The following PLEKHA6 variants were observed in gnomAD, a reference collection of about 807,000 sequenced individuals.
PLEKHA6 encodes pleckstrin homology domain-containing family A member 6.
PLEKHA6 carries 60 observed loss-of-function variants against 116.7 expected under a neutral mutation model. The ratio of observed to expected loss-of-function variants is 0.51; its 90% confidence interval spans 0.42 to 0.64. PLEKHA6 has a LOEUF of 0.64. Ranked by LOEUF, PLEKHA6 falls within the 30% of genes least tolerant of loss-of-function variation. PLEKHA6 has a pLI of 0.00. For synonymous variants in PLEKHA6, 489 were observed against 556.1 expected, an observed-to-expected ratio of 0.88 and a Z score of 1.70; for missense variants, 1,338 against 1,422.7, an observed-to-expected ratio of 0.94 and a Z score of 0.96.
chr1:204,245,804 G>A lies in PLEKHA6; in HGVS notation c.1921-78C>T, dbSNP rs150373298. 4.2e-3 allele frequency: 4,130 copies of A among 989,488 alleles called. 24 individuals are homozygous for A. Among genetic ancestry groups the A allele is most frequent in the South Asian group, 0.016 (1,180 of 73,328 alleles). 61.3% of individuals were successfully genotyped at this position (989,488 alleles called of 1,614,324 possible). A position where few individuals can be genotyped will look rare whatever the true frequency, so the allele number is the denominator to read the frequency against. ...CCTTTCTCTCAGCCCAGACCCCTTG[G>A]AACCCACATCCCTTTGGGCCAGCAG... On this transcript the variant is annotated intron_variant, in intron 13 of 22. Transcript: ENST00000272203.
At chr1:204,300,294 A>G (rs1305118837) in intron 1 of PLEKHA6, among the ~76,000 whole-genome samples, 1 of 152,192 alleles carries the variant, frequency 6.6e-6, no homozygotes, top group Non-Finnish European at 1.5e-5. Flanking sequence ...CCTTCTCTCA[A>G]GACAGGTCCC....
intron 14 of PLEKHA6, among the ~76,000 whole-genome samples, chr1:204,245,208 G>C (rs539282026): frequency 7.2e-5 from 11 of 152,262 alleles, no homozygotes; most frequent in Admixed American, 6.5e-4. Context: ...GGTGTGCTGG[G>C]TGGGGAAGAC....
At chr1:204,347,553 G>C (rs1322993255) in intron 1 of PLEKHA6, among the ~76,000 whole-genome samples, 2 of 151,344 alleles carry the variant, frequency 1.3e-5, no homozygotes, top group Non-Finnish European at 2.9e-5. Flanking sequence ...TTAAAGTAAA[G>C]ACAGGCATAG....
chr1:204,260,499 T>A (rs1229098672), intron 7 of PLEKHA6, among the ~76,000 whole-genome samples: 1 of 152,188 alleles, frequency 6.6e-6, no homozygotes, highest in Non-Finnish European at 1.5e-5. Context: ...CAGTAAGTAT[T>A]TGTGAAATGA....
intron 1 of PLEKHA6, among the ~76,000 whole-genome samples, chr1:204,284,013 G>A (rs1205330222): frequency 6.6e-6 from 1 of 152,222 alleles, no homozygotes; most frequent in Non-Finnish European, 1.5e-5. Context: ...GGCACGTGCT[G>A]TTCCAGTTGG....
At chr1:204,264,559 G>A (rs377596662) in intron 6 of PLEKHA6, among the ~76,000 whole-genome samples, 1 of 152,150 alleles carries the variant, frequency 6.6e-6, no homozygotes, top group South Asian at 2.1e-4. Context: ...ACCAGCCACA[G>A]CTCCTGCCTC....
At position 204,223,116 on chromosome 1, in the gene PLEKHA6, T is replaced by C. The variant is rs928173600; in HGVS notation, c.*9-337A>G. ...TGTGTATCTCAACAGATGGAAAGCT[T>C]GTCAGCAGACAGGAGGCACAGGGGT... On this transcript the variant is annotated intron_variant, in intron 22 of 22. Coordinates refer to ENST00000272203, the MANE Select transcript of PLEKHA6 (RefSeq NM_014935.5). This position sits in a 1 kb window ranked among gnomAD's most constrained non-coding sequence, Gnocchi z 4.8. Among the ~76,000 whole-genome samples, 10 of 152,110 alleles carry C rather than the reference T, an allele frequency of 6.6e-5. No individual in the cohort carries two copies. Among genetic ancestry groups the C allele is most frequent in the African/African-American group, 2.4e-4 (10 of 41,408 alleles).
intron 1 of PLEKHA6, among the ~76,000 whole-genome samples, chr1:204,332,193 C>T (rs1487386502): frequency 6.6e-6 from 1 of 152,168 alleles, no homozygotes; most frequent in Non-Finnish European, 1.5e-5. Flanking sequence ...CAGAATTCAG[C>T]CAATGTGCTT....
chr1:204,337,310 G>A (rs1021631977), intron 1 of PLEKHA6, among the ~76,000 whole-genome samples: 2 of 152,132 alleles, frequency 1.3e-5, no homozygotes, highest in African/African-American at 4.8e-5. Flanking sequence ...GGAATAAGAA[G>A]GAAGGGAATC....
At chr1:204,253,997 T>C (rs1664935962) in intron 9 of PLEKHA6, among the ~76,000 whole-genome samples, 1 of 152,246 alleles carries the variant, frequency 6.6e-6, no homozygotes, top group Non-Finnish European at 1.5e-5. Context: ...CCCTGCTGTC[T>C]GCACTGAATG....
At chr1:204,306,772 A>G (rs1354766790) in intron 1 of PLEKHA6, among the ~76,000 whole-genome samples, 1 of 152,172 alleles carries the variant, frequency 6.6e-6, no homozygotes, top group Non-Finnish European at 1.5e-5. Flanking sequence ...CAGAAGCCCA[A>G]ACCTCAGCAT....
At chr1:204,321,769 T>G (rs767512131) in intron 1 of PLEKHA6, among the ~76,000 whole-genome samples, 2 of 152,238 alleles carry the variant, frequency 1.3e-5, no homozygotes, top group African/African-American at 2.4e-5. Context: ...CAAATGCATC[T>G]TTCATTCAAC....
chr1:204,244,117 A>G (rs558004801), intron 15 of PLEKHA6, among the ~76,000 whole-genome samples: 45 of 151,522 alleles, frequency 3.0e-4, no homozygotes, highest in Non-Finnish European at 5.6e-4. Flanking sequence ...CACCACGCCC[A>G]GCCTCTTTCT....
chr1:204,287,272 TACAC>T (rs1669295745), intron 1 of PLEKHA6, among the ~76,000 whole-genome samples: 1 of 148,398 alleles, frequency 6.7e-6, no homozygotes, highest in Non-Finnish European at 1.5e-5. Context: ...CATTCATGAG[TACAC>T]ACACAGAGAG....
intron 17 of PLEKHA6, among the ~76,000 whole-genome samples, chr1:204,236,145 A>T (rs1662018147): frequency 6.6e-6 from 1 of 152,226 alleles, no homozygotes; most frequent in Admixed American, 6.5e-5. Context: ...TGGAAGGAAC[A>T]TAGTGTTGGA....
At chr1:204,316,375 G>C (rs1020113088) in intron 1 of PLEKHA6, among the ~76,000 whole-genome samples, 1 of 152,238 alleles carries the variant, frequency 6.6e-6, no homozygotes, top group Admixed American at 6.5e-5. Flanking sequence ...TAGGCTCAGG[G>C]AGACAGCTGC....
chr1:204,307,053 C>A (rs940613118), intron 1 of PLEKHA6, among the ~76,000 whole-genome samples: 4 of 152,034 alleles, frequency 2.6e-5, no homozygotes, highest in Admixed American at 2.0e-4. Context: ...ATGCAATATT[C>A]TTATTTGCTA....
At chr1:204,309,419 A>G (rs1671575865) in intron 1 of PLEKHA6, among the ~76,000 whole-genome samples, 2 of 152,248 alleles carry the variant, frequency 1.3e-5, no homozygotes, top group African/African-American at 2.4e-5. Context: ...GTGTTCCCAT[A>G]GGATTATAAC....
chr1:204,294,110 G>C (rs988827927), intron 1 of PLEKHA6, among the ~76,000 whole-genome samples: 5 of 152,178 alleles, frequency 3.3e-5, no homozygotes, highest in African/African-American at 1.2e-4. Context: ...GAGCGTGACA[G>C]CTGCTTGACA....
Sources: allele counts gnomAD v4.1 joint callset (sites outside exome capture counted in the v4.1 genomes callset), GRCh38; gene constraint gnomAD v4.1.1; non-coding constraint Gnocchi (gnomAD v3.1); transcripts MANE v1.5; gene names NCBI Gene and HGNC (gene_info 2026-07-23, HGNC 2026-07-21).